CADM1: variants seen among roughly 807,000 people sequenced by gnomAD.
The protein encoded by CADM1 is cell adhesion molecule 1.
In CADM1, 15 loss-of-function variants were observed where a neutral mutation model predicts 53.1. The ratio of observed to expected loss-of-function variants is 0.28; its 90% confidence interval spans 0.19 to 0.44. The LOEUF is 0.44. Ranked by LOEUF, CADM1 falls within the 20% of genes least tolerant of loss-of-function variation. The pLI is 1.00. For synonymous variants in CADM1, 281 were observed against 243.0 expected (o/e 1.16, Z -1.45); for missense variants, 434 against 611.3 (o/e 0.71, Z 3.06).
At chr11:115,262,066 A>G (rs1942991248) in intron 1 of CADM1, among the ~76,000 whole-genome samples, 1 of 151,938 alleles carries the variant, frequency 6.6e-6, no homozygotes, top group African/African-American at 2.4e-5. Flanking sequence ...GGCGTGAGCC[A>G]CCGAAGATAT....
intron 1 of CADM1, among the ~76,000 whole-genome samples, chr11:115,451,451 A>T: frequency 6.6e-6 from 1 of 152,172 alleles, no homozygotes; most frequent in East Asian, 1.9e-4. Context: ...ATTATCCTAC[A>T]TTTGCTGAGG....
intron 5 of CADM1, among the ~76,000 whole-genome samples, chr11:115,226,670 G>A (rs140199761): frequency 6.6e-6 from 1 of 152,270 alleles, no homozygotes; most frequent in Non-Finnish European, 1.5e-5. Context: ...GAGAGAGGAC[G>A]GCTGTGGGGG....
chr11:115,459,342 C>G (rs572982103), intron 1 of CADM1, among the ~76,000 whole-genome samples: 210 of 152,264 alleles, frequency 1.4e-3, no homozygotes, highest in African/African-American at 5.0e-3. Flanking sequence ...TGAAAATATT[C>G]TATTCCCTTG....
intron 5 of CADM1, among the ~76,000 whole-genome samples, chr11:115,218,974 C>T (rs201405541): frequency 2.0e-5 from 3 of 150,898 alleles, no homozygotes; most frequent in East Asian, 3.9e-4. Flanking sequence ...ATTAGGAGAT[C>T]GTTTTTTTCA....
Position 115,209,614 on chromosome 11 carries a change from G to GGTGGTGGTA in CADM1, c.1037_1038insTACCACCAC (p.Thr351_Thr353dup), listed in dbSNP as rs759148626. The GGTGGTGGTA allele has an allele frequency of 3.1e-6, 5 of 1,613,092 alleles. No homozygotes were observed. Among genetic ancestry groups the GGTGGTGGTA allele is most frequent in the Non-Finnish European group, 4.2e-6 (5 of 1,179,762 alleles). ...GGATGGTGGTGGTGGTGGTGGTGGT[G>GGTGGTGGTA]GTGGTGGTGGTTGTTGTGGGAGGAG... On this transcript the variant is annotated inframe_insertion, in exon 8 of 12. Coordinates refer to ENST00000331581, the MANE Select transcript of CADM1 (RefSeq NM_001301043.2).
chr11:115,190,425 CCT>C (rs1939789372), intron 10 of CADM1, among the ~76,000 whole-genome samples: 4 of 152,060 alleles, frequency 2.6e-5, no homozygotes, highest in South Asian at 4.1e-4. Flanking sequence ...CTTCCCCACC[CCT>C]GACTTCTAAG....
intron 1 of CADM1, among the ~76,000 whole-genome samples, chr11:115,368,799 G>C (rs1247719361): frequency 1.3e-5 from 2 of 151,938 alleles, no homozygotes. Context: ...TGCAGTGTCA[G>C]GAATGTCCTA....
At chr11:115,181,823 G>A (rs1939326417) in intron 10 of CADM1, among the ~76,000 whole-genome samples, 1 of 152,226 alleles carries the variant, frequency 6.6e-6, no homozygotes, top group Non-Finnish European at 1.5e-5. Context: ...GGGCCGGGGT[G>A]AGCTGCCTGC....
intron 1 of CADM1, among the ~76,000 whole-genome samples, chr11:115,305,176 A>G (rs768259168): frequency 1.7e-4 from 26 of 152,094 alleles, no homozygotes; most frequent in African/African-American, 6.0e-4. Context: ...TCAAAGCTTG[A>G]CAAGTGCTTA....
At chr11:115,358,273 T>C (rs1022301592) in intron 1 of CADM1, among the ~76,000 whole-genome samples, 2 of 152,180 alleles carry the variant, frequency 1.3e-5, no homozygotes, top group Non-Finnish European at 2.9e-5. Flanking sequence ...CATAAAGTAT[T>C]GTATTAGCCC....
chr11:115,477,953 A>G (rs554004085), intron 1 of CADM1, among the ~76,000 whole-genome samples: 2 of 152,254 alleles, frequency 1.3e-5, no homozygotes, highest in South Asian at 4.1e-4. Flanking sequence ...ATGCTTTTAA[A>G]GAGGTTTTGG....
intron 1 of CADM1, among the ~76,000 whole-genome samples, chr11:115,275,680 G>A (rs1943425393): frequency 6.6e-6 from 1 of 152,166 alleles, no homozygotes; most frequent in African/African-American, 2.4e-5. Context: ...TTTTAGAGGG[G>A]TTGGAGGGGA....
At chr11:115,448,287 T>C (rs1329377631) in intron 1 of CADM1, among the ~76,000 whole-genome samples, 1 of 152,174 alleles carries the variant, frequency 6.6e-6, no homozygotes, top group Non-Finnish European at 1.5e-5. Context: ...ATAAGTAGAA[T>C]ATGAATAAGT....
intron 1 of CADM1, among the ~76,000 whole-genome samples, chr11:115,400,657 G>GTGTGTA (rs1180609008): frequency 1.2e-5 from 1 of 82,322 alleles, no homozygotes; most frequent in Non-Finnish European, 2.1e-5. Flanking sequence ...GTGTGTGTGT[G>GTGTGTA]TGTGTATATA....
intron 1 of CADM1, among the ~76,000 whole-genome samples, chr11:115,403,753 T>C (rs934503243): frequency 5.9e-5 from 9 of 151,706 alleles, no homozygotes; most frequent in African/African-American, 1.9e-4. Context: ...TGTGCCATCA[T>C]ACCTGGCTAA....
At chr11:115,310,088 T>A (rs1013954105) in intron 1 of CADM1, among the ~76,000 whole-genome samples, 1 of 152,078 alleles carries the variant, frequency 6.6e-6, no homozygotes, top group Non-Finnish European at 1.5e-5. Flanking sequence ...TTTTTATTCC[T>A]TCGATGGGAA....
intron 6 of CADM1, 63 bp downstream of exon 6, chr11:115,217,829 C>T: frequency 9.9e-7 from 1 of 1,009,050 alleles, no homozygotes; most frequent in Admixed American, 1.7e-5. Context: ...GGTGAATGCA[C>T]ATGTCTGTGT....
At position 115,320,338 on chromosome 11, in the gene CADM1, C is replaced by T. The variant is rs78775536; in HGVS notation, c.125-79918G>A. ...TTGGCATCCCAAAGTGCTGGGATTA[C>T]AGATGTGAGCTACCATGATGAGCAC... On this transcript the variant is annotated intron_variant, in intron 1 of 11. Transcript: ENST00000331581. Among the ~76,000 whole-genome samples, 30 of 152,244 alleles carry T rather than the reference C, an allele frequency of 2.0e-4. No homozygotes were observed. The East Asian group carries it at 5.6e-3, about 28-fold the overall frequency.
intron 1 of CADM1, among the ~76,000 whole-genome samples, chr11:115,487,517 T>C (rs913341883): frequency 2.6e-4 from 39 of 152,024 alleles, no homozygotes; most frequent in Non-Finnish European, 8.8e-5. Context: ...ACAGGTAAAT[T>C]AATATGAAAA....
Sources: gnomAD v4.1 joint callset for allele counts (sites outside exome capture counted in the v4.1 genomes callset) on GRCh38, gnomAD v4.1.1 for gene constraint, MANE v1.5 for transcripts, NCBI Gene and HGNC (gene_info 2026-07-23, HGNC 2026-07-21) for gene names.